The following PPP2CB variants were observed in gnomAD, a reference collection of about 807,000 sequenced individuals.
The protein encoded by PPP2CB is protein phosphatase 2 catalytic subunit beta.
A neutral mutation model predicts 39.1 loss-of-function variants in PPP2CB; 18 were observed. The observed-to-expected ratio is 0.46, with a 90% confidence interval of 0.32 to 0.68. The LOEUF is 0.68. Ranked by LOEUF, PPP2CB falls within the 30% of genes least tolerant of loss-of-function variation. The pLI, the probability that PPP2CB is intolerant of heterozygous loss-of-function variation, is 0.04. For missense variants in PPP2CB, 226 were observed against 396.9 expected, an observed-to-expected ratio of 0.57 and a Z score of 3.66; for synonymous variants, 129 against 133.8, an observed-to-expected ratio of 0.96 and a Z score of 0.25.
Position 30,794,043 on chromosome 8 carries a change from A to G in PPP2CB, c.612T>C (p.Asp204=). 1 of 1,611,732 alleles carries G rather than the reference A, an allele frequency of 6.2e-7. No homozygotes were observed. The highest frequency in any genetic ancestry group is 8.5e-7 in the Non-Finnish European group (1 of 1,178,774). The change falls in exon 5 of 7, where the codon GAT becomes GAC. Residue 204 remains aspartate, a synonymous_variant. Coordinates refer to ENST00000221138, the MANE Select transcript of PPP2CB (RefSeq NM_001009552.2). ...PMCDLLWSDP[D]DRGGWGISPR... ...GTGAAATACCCCATCCACCACGATC[A>G]TCTGGATCTGACCATAACAGATCAC... is the stretch of plus-strand genomic sequence containing the variant.
At chr8:30,791,904 A>C (rs1806438819) in intron 5 of PPP2CB, among the ~76,000 whole-genome samples, 1 of 151,894 alleles carries the variant, frequency 6.6e-6, no homozygotes, top group East Asian at 1.9e-4. Context: ...GTGTATATAC[A>C]TGTGTATATA....
intron 1 of PPP2CB, among the ~76,000 whole-genome samples, chr8:30,810,532 T>C (rs559138360): frequency 2.0e-5 from 3 of 152,338 alleles, no homozygotes; most frequent in Admixed American, 2.0e-4. Context: ...CAAGTCTGTA[T>C]TCTGATGCTC....
chr8:30,811,365 A>G (rs989844624), intron 1 of PPP2CB, among the ~76,000 whole-genome samples: 5 of 152,118 alleles, frequency 3.3e-5, no homozygotes, highest in African/African-American at 1.2e-4. Flanking sequence ...GAAAATCAAC[A>G]CTTTACTTCC....
chr8:30,812,496 C>T lies in PPP2CB; in HGVS notation c.-75G>A, dbSNP rs1260038812. 12 of 1,141,676 alleles carry T rather than the reference C, an allele frequency of 1.1e-5. No individual in the cohort carries two copies. Among genetic ancestry groups the T allele is most frequent in the Non-Finnish European group, 1.3e-5 (11 of 857,406 alleles). The allele number at this position is 1,141,676 out of a possible 1,614,324, so 70.7% of individuals were successfully genotyped here. A position where few individuals can be genotyped will look rare whatever the true frequency, so the allele number is the denominator to read the frequency against. On this transcript the variant is annotated 5_prime_UTR_variant, in exon 1 of 7. Coordinates refer to ENST00000221138, the MANE Select transcript of PPP2CB (RefSeq NM_001009552.2). ...TCCCCCCTCCCCACCCGCCCCCGGC[C>T]CCGGCCCGGGCGCCGCTCCCCTCTC...
chr8:30,800,602 G>A (rs1806604701), intron 1 of PPP2CB, among the ~76,000 whole-genome samples: 2 of 152,238 alleles, frequency 1.3e-5, no homozygotes, highest in South Asian at 2.1e-4. Context: ...TGACTAAATC[G>A]AAGTTCACTA....
chr8:30,788,549 C>A (rs7835654), intron 6 of PPP2CB, among the ~76,000 whole-genome samples: 3,979 of 152,322 alleles, frequency 0.026, 190 homozygotes, highest in African/African-American at 0.091. Context: ...AGCATCCAGC[C>A]ATGTTAATGA....
At chr8:30,786,440 T>G in intron 6 of PPP2CB, 133 bp from the exon 7 acceptor site, 2 of 677,062 alleles carry the variant, frequency 3.0e-6, no homozygotes, top group East Asian at 5.6e-5. Context: ...ACGGCTGGAA[T>G]GGCCATGGGC....
intron 1 of PPP2CB, among the ~76,000 whole-genome samples, chr8:30,802,461 C>T (rs1806642778): frequency 6.6e-6 from 1 of 152,036 alleles, no homozygotes; most frequent in African/African-American, 2.4e-5. Context: ...ATTTGCTTTC[C>T]TTGCTACCTT....
chr8:30,796,908 ATCACGGC>A (rs1469720491), intron 3 of PPP2CB, among the ~76,000 whole-genome samples: 3 of 152,184 alleles, frequency 2.0e-5, no homozygotes, highest in Non-Finnish European at 4.4e-5. Flanking sequence ...CCCAGGCTGG[ATCACGGC>A]TCACTGCAGC....
intron 5 of PPP2CB, among the ~76,000 whole-genome samples, chr8:30,791,964 ACG>A (rs1806441546): frequency 7.3e-6 from 1 of 137,118 alleles, no homozygotes; most frequent in East Asian, 2.0e-4. Flanking sequence ...ATATATGTAT[ACG>A]TGTGTATATG....
intron 2 of PPP2CB, among the ~76,000 whole-genome samples, chr8:30,798,530 A>G (rs1806562551): frequency 1.3e-5 from 2 of 152,210 alleles, no homozygotes; most frequent in African/African-American, 4.8e-5. Context: ...TGTTGGCTGG[A>G]GCAAGAGACT....
At chr8:30,799,803 C>T (rs1563216207) in intron 1 of PPP2CB, 48 bp from the exon 2 acceptor site, 2 of 1,547,838 alleles carry the variant, frequency 1.3e-6, no homozygotes, top group South Asian at 1.2e-5. Flanking sequence ...ACTATCATTT[C>T]TTATCTATTA....
chr8:30,802,209 A>C (rs1314382784), intron 1 of PPP2CB, among the ~76,000 whole-genome samples: 1 of 152,178 alleles, frequency 6.6e-6, no homozygotes, highest in African/African-American at 2.4e-5. Flanking sequence ...TTCAGTTTTA[A>C]TCTAATTGTG....
intron 5 of PPP2CB, chr8:30,793,710 C>T (rs1476403848): frequency 8.5e-6 from 4 of 470,582 alleles, no homozygotes; most frequent in Non-Finnish European, 1.5e-5. Context: ...ATTTTTGTAA[C>T]TTTTTTCTAA....
intron 1 of PPP2CB, among the ~76,000 whole-genome samples, chr8:30,809,077 T>C (rs1806778903): frequency 8.4e-6 from 1 of 119,054 alleles, no homozygotes; most frequent in African/African-American, 4.0e-5. Flanking sequence ...GCCCAGCTAA[T>C]TTTTTTTTTT....
In PPP2CB at chr8:30,794,297, C is replaced by G. The variant is rs770466336; in HGVS notation, c.487-16G>C. 2 of 1,584,150 alleles carry G rather than the reference C, an allele frequency of 1.3e-6. No individual in the cohort carries two copies. The highest frequency in any genetic ancestry group is 1.7e-6 in the Non-Finnish European group (2 of 1,154,600). ...GGCAGAATATCTATGTATGAATTAA[C>G]AAAAGAGAATGTATTTGTTTTACTA... On this transcript the variant is annotated splice_polypyrimidine_tract_variant and intron_variant, in intron 3 of 6. Transcript: ENST00000221138.
chr8:30,803,658 TA>T (rs1332847265), intron 1 of PPP2CB, among the ~76,000 whole-genome samples: 1 of 152,094 alleles, frequency 6.6e-6, no homozygotes, highest in Non-Finnish European at 1.5e-5. Flanking sequence ...CATGTGCGCT[TA>T]AAGTTTATGG....
chr8:30,797,521 C>T, intron 3 of PPP2CB, 60 bp downstream of exon 3: 1 of 1,470,062 alleles, frequency 6.8e-7, no homozygotes. Flanking sequence ...CCCAGCTTAC[C>T]AATAGTCAAT....
In PPP2CB at chr8:30,786,210, C is replaced by G; in HGVS notation, c.*25G>C. 2 of 1,519,718 alleles carry G rather than the reference C, an allele frequency of 1.3e-6. No individual in the cohort carries two copies. Among genetic ancestry groups the G allele is most frequent in the African/African-American group, 2.8e-5 (2 of 72,086 alleles). The allele number at this position is 1,519,718 out of a possible 1,614,324, so 94.1% of individuals were successfully genotyped here. ...AAAAAGCCAGGTATACTTCCACATA[C>G]AAAGGCAGGTTTCCCAGGAGAAATT... On this transcript the variant is annotated 3_prime_UTR_variant, in exon 7 of 7. Transcript: ENST00000221138.
Sources: gnomAD v4.1 joint callset for allele counts (sites outside exome capture counted in the v4.1 genomes callset) on GRCh38, gnomAD v4.1.1 for gene constraint, MANE v1.5 for transcripts, NCBI Gene and HGNC (gene_info 2026-07-23, HGNC 2026-07-21) for gene names.